IGSF3: variants seen among roughly 807,000 people sequenced by gnomAD.
IGSF3 encodes glu-Trp-Ile EWI motif-containing protein 3.
A neutral mutation model predicts 114.4 loss-of-function variants in IGSF3; 23 were observed. The ratio of observed to expected loss-of-function variants is 0.20; its 90% CI spans 0.14 to 0.28. The LOEUF (loss-of-function observed/expected upper bound fraction) is 0.28, where lower values mean the gene tolerates loss of function less well. IGSF3 is among the 10% of genes least tolerant of loss of function. The pLI is 1.00. For missense variants in IGSF3, 1,172 were observed against 1,591.5 expected (o/e 0.74, Z 4.48); for synonymous variants, 571 against 645.2 (o/e 0.88, Z 1.74).
chr1:116,646,048 C>T (rs1648353409), intron 2 of IGSF3, among the ~76,000 whole-genome samples: 1 of 152,208 alleles, frequency 6.6e-6, no homozygotes, highest in Non-Finnish European at 1.5e-5. Context: ...CTGGCTGTGG[C>T]CTCAGGCCTC....
At chr1:116,660,871 T>C (rs544966607) in intron 2 of IGSF3, among the ~76,000 whole-genome samples, 7 of 152,368 alleles carry the variant, frequency 4.6e-5, no homozygotes, top group Non-Finnish European at 7.3e-5. Flanking sequence ...ATTCAGATTC[T>C]GCCAAATTCC....
At chr1:116,580,559 G>C (rs1426044515) in intron 9 of IGSF3, among the ~76,000 whole-genome samples, 1 of 152,224 alleles carries the variant, frequency 6.6e-6, no homozygotes, top group Admixed American at 6.5e-5. Context: ...TCTCTCTCCA[G>C]GTGCATGCAC....
rs1659674672 is a variant in IGSF3 at position 116,583,277 on chromosome 1, C to A, written c.2848+1368G>T. Among the ~76,000 whole-genome samples the A allele has an allele frequency of 6.6e-6, 1 of 152,220 alleles. No homozygotes were observed. Among genetic ancestry groups the A allele is most frequent in the Non-Finnish European group, 1.5e-5 (1 of 68,032 alleles). ...AGGGAGTTGAGGGAGTGGGGGCACTCAGCTGCCATTCTCTACAATTTCACC... is the reference window on the plus strand; with the variant it reads ...AGGGAGTTGAGGGAGTGGGGGCACTAAGCTGCCATTCTCTACAATTTCACC... On this transcript the variant is annotated intron_variant, in intron 9 of 10. Transcript: ENST00000369486. This position sits in a 1 kb window ranked among gnomAD's most constrained non-coding sequence, Gnocchi z 4.5.
intron 4 of IGSF3, among the ~76,000 whole-genome samples, chr1:116,611,345 C>A (rs541982032): frequency 2.4e-4 from 37 of 152,212 alleles, no homozygotes; most frequent in Non-Finnish European, 4.7e-4. Flanking sequence ...CAAGAGGGGA[C>A]CACCCAGGCC....
chr1:116,588,525 A>G lies in IGSF3; in HGVS notation c.2440+169T>C, dbSNP rs2101353807. On this transcript the variant is annotated intron_variant, in intron 8 of 10. Coordinates refer to ENST00000369486, the MANE Select transcript of IGSF3 (RefSeq NM_001007237.3). This position sits in a 1 kb window ranked among gnomAD's most constrained non-coding sequence, Gnocchi z 4.9. ...AGCATCAGGACCCACTGCAGGTAAA[A>G]TGGATGGGATTGCAGTGTGCTAGGG... Among the ~76,000 whole-genome samples, 1 of 152,250 alleles carries G rather than the reference A, an allele frequency of 6.6e-6. No homozygotes were observed. The highest frequency in any genetic ancestry group is 1.5e-5 in the Non-Finnish European group (1 of 68,004).
Position 116,647,976 on chromosome 1 carries a change from C to T in IGSF3, c.43+18308G>A, listed in dbSNP as rs1339402562. Among the ~76,000 whole-genome samples, 2 of 152,126 alleles carry T rather than the reference C, an allele frequency of 1.3e-5. No individual in the cohort carries two copies. The highest frequency in any genetic ancestry group is 4.8e-5 in the African/African-American group (2 of 41,432). Reference sequence around the variant, plus strand: ...AAAATTAGCTGGGTGTGATGGCACACGCCTGTAATCCTAGTTACTCGGGAG... The same window carrying T: ...AAAATTAGCTGGGTGTGATGGCACATGCCTGTAATCCTAGTTACTCGGGAG... On this transcript the variant is annotated intron_variant, in intron 2 of 10. Coordinates refer to ENST00000369486, the MANE Select transcript of IGSF3 (RefSeq NM_001007237.3). This position sits in a 1 kb window ranked among gnomAD's most constrained non-coding sequence, Gnocchi z 4.6.
At chr1:116,635,085 T>C (rs1325018640) in intron 2 of IGSF3, among the ~76,000 whole-genome samples, 1 of 152,214 alleles carries the variant, frequency 6.6e-6, no homozygotes, top group Non-Finnish European at 1.5e-5. Flanking sequence ...GAGAATAAAC[T>C]AATTTTTGCT....
In IGSF3 at chr1:116,584,577, T is replaced by C. The variant is rs1385593119; in HGVS notation, c.2848+68A>G. The C allele has an allele frequency of 6.9e-7, 1 of 1,440,264 alleles. No homozygotes were observed. 89.2% of individuals were successfully genotyped at this position (1,440,264 alleles called of 1,614,324 possible). A position where few individuals can be genotyped will look rare whatever the true frequency, so the allele number is the denominator to read the frequency against. ...TTATTAATAAACTAATTTTATCCAGTGCATAAAACAGTATACTTAAATGGG... is the reference window on the plus strand; with the variant it reads ...TTATTAATAAACTAATTTTATCCAGCGCATAAAACAGTATACTTAAATGGG... On this transcript the variant is annotated intron_variant, in intron 9 of 10. Transcript: ENST00000369486. This position sits in a 1 kb window ranked among gnomAD's most constrained non-coding sequence, Gnocchi z 5.8.
At position 116,603,682 on chromosome 1, in the gene IGSF3, G is replaced by A. The variant is rs781400757; in HGVS notation, c.1566C>T (p.Gly522=). The change falls in exon 6 of 11, where the codon GGC becomes GGT. Residue 522 remains glycine, a synonymous_variant. Transcript: ENST00000369486. The surrounding 1 kb of genome is among the most constrained non-coding windows in gnomAD (Gnocchi z 7.1). Reference sequence around the variant, plus strand: ...GGCGCTCCCCAACAATCTGCCACTCGCCATCCACTGCCCGCACCCATTCAG... The same window carrying A: ...GGCGCTCCCCAACAATCTGCCACTCACCATCCACTGCCCGCACCCATTCAG... ...HVTEWVRAVD[G]EWQIVGERRA... 15 of 1,613,754 alleles carry A rather than the reference G, an allele frequency of 9.3e-6. No individual in the cohort carries two copies. The highest frequency in any genetic ancestry group is 1.3e-5 in the African/African-American group (1 of 74,886).
intron 2 of IGSF3, among the ~76,000 whole-genome samples, chr1:116,622,485 A>G (rs1189637344): frequency 6.6e-6 from 1 of 152,074 alleles, no homozygotes; most frequent in Non-Finnish European, 1.5e-5. Flanking sequence ...AAAATCCTAC[A>G]CCTACAAAAA....
chr1:116,620,184 C>A (rs1661368803), intron 2 of IGSF3, among the ~76,000 whole-genome samples: 1 of 152,058 alleles, frequency 6.6e-6, no homozygotes, highest in Non-Finnish European at 1.5e-5. Flanking sequence ...TTATAAGAAG[C>A]CCCTTTTGGC....
Position 116,608,024 on chromosome 1 carries a change from C to T in IGSF3, c.1140G>A (p.Glu380=). The change falls in exon 5 of 11, where the codon GAG becomes GAA. Residue 380 remains glutamate, a synonymous_variant. Transcript: ENST00000369486. ...DSGKYNCRVT[E]REKTVTGEFI... ...ATTCCCCGGTCACGGTTTTCTCTCG[C>T]TCAGTCACCCGGCAGTTGTATTTCC... 1 of 1,613,958 alleles carries T rather than the reference C, an allele frequency of 6.2e-7. No individual in the cohort carries two copies. The highest frequency in any genetic ancestry group is 8.5e-7 in the Non-Finnish European group (1 of 1,179,826).
chr1:116,658,277 C>A (rs1320438828), intron 2 of IGSF3, among the ~76,000 whole-genome samples: 1 of 151,990 alleles, frequency 6.6e-6, no homozygotes, highest in Non-Finnish European at 1.5e-5. Context: ...TGACCTCAAG[C>A]GATCCACCCG....
At chr1:116,641,517 A>G (rs1183228618) in intron 2 of IGSF3, among the ~76,000 whole-genome samples, 38 of 148,038 alleles carry the variant, frequency 2.6e-4, no homozygotes, top group African/African-American at 7.5e-4. Flanking sequence ...AAAAAAAAAA[A>G]AAGAAGAAGA....
Position 116,584,957 on chromosome 1 carries a change from T to C in IGSF3, c.2536A>G (p.Ile846Val). The C allele has an allele frequency of 6.2e-7, 1 of 1,611,448 alleles. No individual in the cohort carries two copies. The highest frequency in any genetic ancestry group is 8.5e-7 in the Non-Finnish European group (1 of 1,177,828). ...LECVVLNRTS[I>V]TSQLMVEWFV... ...CATTCCACCATGAGCTGGGAGGTTA[T>C]GCTGGTGCGGTTGAGAACCACACAC... The change falls in exon 9 of 11, where the codon ATA becomes GTA. Residue 846 changes from isoleucine (I) to valine (V), a missense_variant. Ile to Val is a conservative substitution (Grantham distance 29, BLOSUM62 3). Around this residue, in one of 3 missense-constraint regions of IGSF3, gnomAD observed 423 missense variants for 509.8 expected, o/e 0.83. Coordinates refer to ENST00000369486, the MANE Select transcript of IGSF3 (RefSeq NM_001007237.3). This position sits in a 1 kb window ranked among gnomAD's most constrained non-coding sequence, Gnocchi z 5.8.
chr1:116,632,493 G>C lies in IGSF3; in HGVS notation c.44-16036C>G, dbSNP rs375773019. Among the ~76,000 whole-genome samples the C allele has an allele frequency of 1.3e-5, 2 of 152,212 alleles. No individual in the cohort carries two copies. The highest frequency in any genetic ancestry group is 4.1e-4 in the South Asian group (2 of 4,830). On this transcript the variant is annotated intron_variant, in intron 2 of 10. Transcript: ENST00000369486. The surrounding 1 kb of genome is among the most constrained non-coding windows in gnomAD (Gnocchi z 5.1). ...AGCTAACCACACAACGCAGCATACT[G>C]AATGAGAAGCCTCGCAGGCAGAGAA...
At position 116,661,102 on chromosome 1, in the gene IGSF3, C is replaced by T. The variant is rs1228860576; in HGVS notation, c.43+5182G>A. Reference sequence around the variant, plus strand: ...GGTCAGGAGTTTGAGACCAGTGTGGCCAACATAGTGAAGGCCCATCTCTAC... The same window carrying T: ...GGTCAGGAGTTTGAGACCAGTGTGGTCAACATAGTGAAGGCCCATCTCTAC... On this transcript the variant is annotated intron_variant, in intron 2 of 10. Coordinates refer to ENST00000369486, the MANE Select transcript of IGSF3 (RefSeq NM_001007237.3). The surrounding 1 kb of genome is among the most constrained non-coding windows in gnomAD (Gnocchi z 4.0). 6.6e-6 allele frequency among the ~76,000 whole-genome samples: 1 copy of T among 152,034 alleles called. No homozygotes were observed. Among genetic ancestry groups the T allele is most frequent in the African/African-American group, 2.4e-5 (1 of 41,380 alleles).
chr1:116,656,893 A>G (rs1456113866), intron 2 of IGSF3, among the ~76,000 whole-genome samples: 1 of 152,122 alleles, frequency 6.6e-6, no homozygotes, highest in African/African-American at 2.4e-5. Flanking sequence ...GTGCCACTGC[A>G]CTCCAGCCTG....
At chr1:116,580,789 AG>A (rs1659570852) in intron 9 of IGSF3, among the ~76,000 whole-genome samples, 1 of 152,236 alleles carries the variant, frequency 6.6e-6, no homozygotes. Context: ...ACAGGAGAGA[AG>A]ACAGAGAGAA....
Sources: allele counts gnomAD v4.1 joint callset (sites outside exome capture counted in the v4.1 genomes callset), GRCh38; gene constraint gnomAD v4.1.1; regional missense constraint gnomAD v4.1.1; non-coding constraint Gnocchi (gnomAD v3.1); transcripts MANE v1.5; gene names NCBI Gene and HGNC (gene_info 2026-07-23, HGNC 2026-07-21).